SETD2: variants seen among roughly 807,000 people sequenced by gnomAD.
SETD2 encodes the protein histone-lysine N-methyltransferase SETD2.
SETD2 carries 31 observed loss-of-function variants against 242.1 expected under a neutral mutation model. The observed-to-expected ratio is 0.13, with a 90% confidence interval of 0.10 to 0.17. The LOEUF is 0.17. SETD2 is among the 10% of genes least tolerant of loss of function. The pLI is 1.00. For synonymous variants in SETD2, 1,006 were observed against 1,066.5 expected, an observed-to-expected ratio of 0.94 and a Z score of 1.11; for missense variants, 2,481 against 3,046.3, an observed-to-expected ratio of 0.81 and a Z score of 4.37.
rs778145277 is a variant in SETD2, at chr3:47,121,400, G to A, written c.3236C>T (p.Pro1079Leu). The change falls in exon 3 of 21, where the codon CCC becomes CTC. Residue 1079 changes from proline to leucine, a missense_variant. This residue lies in a region of SETD2 where 1,300 missense variants were observed against 1,259.2 expected (regional missense o/e 1.03). Coordinates refer to ENST00000409792, the MANE Select transcript of SETD2 (RefSeq NM_014159.7). ...VVVVPKNSTL[P>L]MEETSPCSSR... ...AGAACAAGGACTTGTTTCTTCCATG[G>A]GCAAAGTAGAATTCTTTGGCACAAC... 3.1e-6 allele frequency: 5 copies of A among 1,610,014 alleles called. No homozygotes were observed. In the South Asian group the frequency reaches 3.3e-5, roughly 11 times the overall value.
At chr3:47,053,771 G>T (rs147281321) in intron 15 of SETD2, among the ~76,000 whole-genome samples, 11 of 152,264 alleles carry the variant, frequency 7.2e-5, no homozygotes, top group Non-Finnish European at 1.5e-4. Flanking sequence ...TTTAGGGCTA[G>T]ACAACAGATG....
In SETD2 at chr3:47,123,857, G is replaced by C; in HGVS notation, c.779C>G (p.Ser260Cys). ...LEADTKQDTI[S>C]NSLEEHVTQI... ...AGTTACGTGTTCTTCTAAACTATTA[G>C]ATATAGTGTCCTGCTTAGTATCTGC... Residue 260 changes from serine to cysteine, a missense_variant, in exon 3 of 21, where the codon TCT becomes TGT. Physicochemically the swap from Ser to Cys is moderately radical, Grantham distance 112. This residue lies in a region of SETD2 where 334 missense variants were observed against 374.5 expected (regional missense o/e 0.89). Transcript: ENST00000409792. The C allele has an allele frequency of 1.3e-6, 2 of 1,550,480 alleles. No homozygotes were observed. The highest frequency in any genetic ancestry group is 1.7e-6 in the Non-Finnish European group (2 of 1,145,722).
rs1210871209 is a variant in SETD2, at chr3:47,016,616, T to G, written c.*477A>C. ...AAACCTTGCAGGAGAACTTAAACTG[T>G]CCTTACAAAGTCTTCCTGTGATCCT... On this transcript the variant is annotated 3_prime_UTR_variant, in exon 21 of 21. Coordinates refer to ENST00000409792, the MANE Select transcript of SETD2 (RefSeq NM_014159.7). 1 of 234,582 alleles carries G rather than the reference T, an allele frequency of 4.3e-6. No homozygotes were observed. Among genetic ancestry groups the G allele is most frequent in the African/African-American group, 2.2e-5 (1 of 45,370 alleles). The allele number at this position is 234,582 out of a possible 1,614,324, so 14.5% of individuals were successfully genotyped here. A position where few individuals can be genotyped will look rare whatever the true frequency, so the allele number is the denominator to read the frequency against.
intron 1 of SETD2, among the ~76,000 whole-genome samples, chr3:47,150,453 T>C (rs767493696): frequency 6.6e-6 from 1 of 152,042 alleles, no homozygotes; most frequent in Non-Finnish European, 1.5e-5. Context: ...TCTGAGAAAT[T>C]TGGATAGAAA....
In SETD2 at chr3:47,117,277, A is replaced by C. The variant is rs1421568432; in HGVS notation, c.4455-523T>G. 5.0e-3 allele frequency among the ~76,000 whole-genome samples: 430 copies of C among 85,566 alleles called. 6 individuals carry two copies. In the South Asian group the frequency reaches 0.073, roughly 15 times the overall value. 56.1% of individuals were successfully genotyped at this position (85,566 alleles called of 152,430 possible). A position where few individuals can be genotyped will look rare whatever the true frequency, so the allele number is the denominator to read the frequency against. ...CTGCATTACCAAAAAAAAAAAAAAA[A>C]AAACAAACAAAAAAAAAAACATGAG... On this transcript the variant is annotated intron_variant, in intron 3 of 20. Coordinates refer to ENST00000409792, the MANE Select transcript of SETD2 (RefSeq NM_014159.7).
intron 14 of SETD2, among the ~76,000 whole-genome samples, chr3:47,059,545 G>A (rs1222750258): frequency 2.7e-5 from 4 of 148,922 alleles, no homozygotes; most frequent in Non-Finnish European, 4.5e-5. Context: ...TCAGTCTCCC[G>A]AGTAGCTGGG....
At chr3:47,163,763 C>A (rs1317099094) in intron 1 of SETD2, 91 bp downstream of exon 1, 2 of 1,207,270 alleles carry the variant, frequency 1.7e-6, no homozygotes, top group Non-Finnish European at 2.1e-6. Context: ...ACTCCTCGCG[C>A]CGGCCCGCGC....
intron 3 of SETD2, chr3:47,119,356 T>C (rs527243535): frequency 1.3e-5 from 2 of 152,510 alleles, no homozygotes; most frequent in South Asian, 4.1e-4. Context: ...CTAAAATATT[T>C]ATTACACTAT....
At chr3:47,090,140 G>A (rs577115747) in intron 9 of SETD2, among the ~76,000 whole-genome samples, 2 of 151,938 alleles carry the variant, frequency 1.3e-5, no homozygotes, top group Middle Eastern at 3.4e-3. Context: ...ACCAGCTATC[G>A]GGAGGCTGAG....
chr3:47,093,496 C>T (rs1330123851), intron 9 of SETD2, among the ~76,000 whole-genome samples: 1 of 152,092 alleles, frequency 6.6e-6, no homozygotes, highest in Non-Finnish European at 1.5e-5. Context: ...GTTGGCCAGG[C>T]TGGTCTCGAA....
intron 7 of SETD2, 152 bp from the exon 8 acceptor site, chr3:47,101,707 A>G (rs1299402896): frequency 6.1e-6 from 3 of 487,938 alleles, no homozygotes; most frequent in Non-Finnish European, 7.4e-6. Context: ...GTTTTCCCAA[A>G]TAGCACATGG....
At chr3:47,129,646 G>A (rs2043430986) in intron 1 of SETD2, among the ~76,000 whole-genome samples, 1 of 152,230 alleles carries the variant, frequency 6.6e-6, no homozygotes, top group Non-Finnish European at 1.5e-5. Flanking sequence ...AGCACTTTGG[G>A]AGGTCAAGGC....
intron 5 of SETD2, among the ~76,000 whole-genome samples, chr3:47,108,238 T>G (rs776341717): frequency 6.6e-6 from 1 of 152,192 alleles, no homozygotes; most frequent in African/African-American, 2.4e-5. Flanking sequence ...AAACATATAT[T>G]ATCCAGGATC....
At chr3:47,061,148 G>A (rs537175776) in intron 14 of SETD2, among the ~76,000 whole-genome samples, 13 of 152,218 alleles carry the variant, frequency 8.5e-5, no homozygotes, top group Non-Finnish European at 1.6e-4. Flanking sequence ...AACCCGGGAG[G>A]CGGAGCTTGC....
At chr3:47,096,403 G>A (rs541187393) in intron 9 of SETD2, among the ~76,000 whole-genome samples, 3 of 152,180 alleles carry the variant, frequency 2.0e-5, no homozygotes, top group African/African-American at 7.2e-5. Flanking sequence ...CACTATATAT[G>A]CTATCTAAAA....
chr3:47,108,826 T>G (rs756683902), intron 5 of SETD2, among the ~76,000 whole-genome samples: 2 of 152,198 alleles, frequency 1.3e-5, no homozygotes, highest in Admixed American at 6.5e-5. Flanking sequence ...TGTAAAAGTC[T>G]ATCATGCAGT....
chr3:47,073,996 A>G (rs1559691546), intron 12 of SETD2, among the ~76,000 whole-genome samples: 2 of 152,226 alleles, frequency 1.3e-5, no homozygotes, highest in Non-Finnish European at 2.9e-5. Flanking sequence ...CTTAGCCAAC[A>G]TGCATATTCC....
In SETD2 at chr3:47,082,099, T is replaced by C. The variant is rs527623972; in HGVS notation, c.6060+1621A>G. On this transcript the variant is annotated intron_variant, in intron 12 of 20. Coordinates refer to ENST00000409792, the MANE Select transcript of SETD2 (RefSeq NM_014159.7). ...AGAGTGTGAGTTTAAATTACCATGG[T>C]TACATCTAATTGGGTTAAGTATATC... Among the ~76,000 whole-genome samples, 11 of 152,298 alleles carry C rather than the reference T, an allele frequency of 7.2e-5. No homozygotes were observed. In the South Asian group the frequency reaches 2.1e-3, roughly 29 times the overall value.
rs547690486 is a variant in SETD2, at chr3:47,084,670, C to T, written c.5398-288G>A. Among the ~76,000 whole-genome samples the T allele has an allele frequency of 1.4e-4, 21 of 152,134 alleles. No individual in the cohort carries two copies. The South Asian group carries it at 3.9e-3, about 29-fold the overall frequency. ...CAAACTCCTGACCTCAAGTGATCCA[C>T]CCACCTCGGCCTCCCAAAATGCTGG... is the stretch of plus-strand genomic sequence containing the variant. On this transcript the variant is annotated intron_variant, in intron 11 of 20. Coordinates refer to ENST00000409792, the MANE Select transcript of SETD2 (RefSeq NM_014159.7).
Sources: allele counts gnomAD v4.1 joint callset (sites outside exome capture counted in the v4.1 genomes callset), GRCh38; gene constraint gnomAD v4.1.1; regional missense constraint gnomAD v4.1.1; transcripts MANE v1.5; gene names NCBI Gene and HGNC (gene_info 2026-07-23, HGNC 2026-07-21).